CABLES1: variants seen among roughly 807,000 people sequenced by gnomAD.
The protein encoded by CABLES1 is Cdk5 and Abl enzyme substrate 1.
Under a neutral mutation model 57.8 loss-of-function variants are expected in CABLES1, and 36 were observed. That is an observed-to-expected ratio of 0.62 (90% CI 0.48 to 0.82). The LOEUF is 0.82. Among genes scored for constraint, CABLES1 ranks in the 40% least tolerant of loss-of-function variants. The pLI is 0.00. For missense variants in CABLES1, 767 were observed against 836.6 expected (o/e 0.92, Z 1.03); for synonymous variants, 374 against 363.0 (o/e 1.03, Z -0.35).
rs61158856 is a variant in CABLES1 at position 23,184,308 on chromosome 18, CGT to C, written c.846-4497_846-4496del. On this transcript the variant is annotated intron_variant, in intron 1 of 9. Transcript: ENST00000256925. ...TAATGTGTGCCCTTGCATACTGGCA[CGT>C]GTGTGTGTGTGTGTGTGTGTGTGTG... is the stretch of plus-strand genomic sequence containing the variant. Among the ~76,000 whole-genome samples the C allele has an allele frequency of 9.2e-3, 1,342 of 145,602 alleles. 9 individuals carry two copies. Among genetic ancestry groups the C allele is most frequent in the African/African-American group, 0.016 (631 of 39,800 alleles).
intron 7 of CABLES1, among the ~76,000 whole-genome samples, chr18:23,241,871 C>A (rs1268540443): frequency 2.0e-5 from 3 of 152,118 alleles, no homozygotes; most frequent in Non-Finnish European, 4.4e-5. Context: ...GCAAGTGGCA[C>A]CCTTTTCAAA....
intron 7 of CABLES1, among the ~76,000 whole-genome samples, chr18:23,251,204 G>C (rs2048028303): frequency 1.3e-5 from 2 of 152,216 alleles, no homozygotes; most frequent in Admixed American, 1.3e-4. Flanking sequence ...TGTAATGCCA[G>C]CACTTTGGGA....
intron 1 of CABLES1, among the ~76,000 whole-genome samples, chr18:23,147,150 T>C (rs1487766115): frequency 2.0e-5 from 3 of 152,198 alleles, no homozygotes; most frequent in Non-Finnish European, 4.4e-5. Context: ...ACAACAGCTC[T>C]CTCCAGATAA....
intron 4 of CABLES1, among the ~76,000 whole-genome samples, chr18:23,219,867 G>C (rs149509483): frequency 6.6e-6 from 1 of 152,266 alleles, no homozygotes; most frequent in East Asian, 1.9e-4. Context: ...GCAACTTCTC[G>C]AGCACCTACC....
In CABLES1 at chr18:23,201,755, A is replaced by C. The variant is rs560683833; in HGVS notation, c.1010+7215A>C. Among the ~76,000 whole-genome samples the C allele has an allele frequency of 2.6e-5, 4 of 152,340 alleles. No individual in the cohort carries two copies. In the South Asian group the frequency reaches 6.2e-4, roughly 24 times the overall value. On this transcript the variant is annotated intron_variant, in intron 3 of 9. Transcript: ENST00000256925. ...TGTATCCATGAATAAAACAGGTTACATCCCAATAGGGAGGGAAATGATACA... is the reference window on the plus strand; with the variant it reads ...TGTATCCATGAATAAAACAGGTTACCTCCCAATAGGGAGGGAAATGATACA...
At chr18:23,254,057 G>T (rs1172270370) in intron 9 of CABLES1, 121 bp downstream of exon 9, 1 of 784,270 alleles carries the variant, frequency 1.3e-6, no homozygotes, top group Admixed American at 2.2e-5. Context: ...AGCAATTGAG[G>T]TGAAGGCTAT....
At chr18:23,143,526 G>T (rs965997122) in intron 1 of CABLES1, among the ~76,000 whole-genome samples, 1 of 152,136 alleles carries the variant, frequency 6.6e-6, no homozygotes, top group Non-Finnish European at 1.5e-5. Context: ...TGCCCCTCTG[G>T]CTGTTTATAA....
chr18:23,253,719 C>G lies in CABLES1; in HGVS notation c.1554-10C>G. The G allele has an allele frequency of 6.2e-7, 1 of 1,613,002 alleles. No individual in the cohort carries two copies. The highest frequency in any genetic ancestry group is 8.5e-7 in the Non-Finnish European group (1 of 1,179,136). ...CACAAGACTGTTCCCTCTTGCCTGT[C>G]TTTCTCCAGTCTGAAACGAGAGATG... On this transcript the variant is annotated splice_polypyrimidine_tract_variant and intron_variant, in intron 8 of 9. Coordinates refer to ENST00000256925, the MANE Select transcript of CABLES1 (RefSeq NM_001100619.3).
intron 9 of CABLES1, 95 bp from the exon 10 acceptor site, chr18:23,257,132 C>G: frequency 7.2e-7 from 1 of 1,381,144 alleles, no homozygotes; most frequent in Non-Finnish European, 1.0e-6. Flanking sequence ...TTCTCCTGAG[C>G]ACTCACTGGC....
chr18:23,171,971 G>A (rs1598810467), intron 1 of CABLES1, among the ~76,000 whole-genome samples: 2 of 152,242 alleles, frequency 1.3e-5, no homozygotes, highest in East Asian at 3.9e-4. Flanking sequence ...CCCAGGCTGA[G>A]GTGTAATGGC....
chr18:23,185,100 C>G (rs1296449931), intron 1 of CABLES1, among the ~76,000 whole-genome samples: 1 of 152,186 alleles, frequency 6.6e-6, no homozygotes, highest in Non-Finnish European at 1.5e-5. Flanking sequence ...TAGAAAAACC[C>G]TTATAACTGT....
chr18:23,143,104 A>T (rs1270759599), intron 1 of CABLES1, among the ~76,000 whole-genome samples: 1 of 152,184 alleles, frequency 6.6e-6, no homozygotes, highest in Admixed American at 6.5e-5. Flanking sequence ...TGAACTGAGC[A>T]GAAGTTGACC....
At chr18:23,183,900 T>C (rs545107287) in intron 1 of CABLES1, among the ~76,000 whole-genome samples, 17 of 152,262 alleles carry the variant, frequency 1.1e-4, no homozygotes, top group African/African-American at 3.6e-4. Context: ...GCTTTTTGTT[T>C]ATTACAGGCT....
chr18:23,220,049 A>C (rs1242079364), intron 4 of CABLES1, among the ~76,000 whole-genome samples: 1 of 152,104 alleles, frequency 6.6e-6, no homozygotes, highest in Non-Finnish European at 1.5e-5. Flanking sequence ...GTCGTTTTGC[A>C]TGCCACCAGG....
chr18:23,157,389 T>A (rs111887648), intron 1 of CABLES1, among the ~76,000 whole-genome samples: 3 of 152,240 alleles, frequency 2.0e-5, no homozygotes, highest in African/African-American at 7.2e-5. Flanking sequence ...AGAATCTGCT[T>A]TCTCTTTTAC....
chr18:23,220,454 G>T (rs554370360), intron 4 of CABLES1, among the ~76,000 whole-genome samples: 10 of 152,272 alleles, frequency 6.6e-5, no homozygotes, highest in South Asian at 2.1e-4. Context: ...GGCAGTAGGT[G>T]GGGGTAGGTG....
chr18:23,246,273 AAAAAG>A (rs781033711), intron 7 of CABLES1, among the ~76,000 whole-genome samples: 2 of 152,012 alleles, frequency 1.3e-5, no homozygotes, highest in Non-Finnish European at 2.9e-5. Flanking sequence ...CTCAAAAAAA[AAAAAG>A]AAAACAGTGG....
At chr18:23,232,569 G>A (rs1229615570) in intron 4 of CABLES1, among the ~76,000 whole-genome samples, 1 of 152,196 alleles carries the variant, frequency 6.6e-6, no homozygotes, top group East Asian at 1.9e-4. Context: ...ATCGCCCTGG[G>A]GTGCCTGCAT....
At chr18:23,189,267 A>T (rs1598819584) in intron 2 of CABLES1, 1 of 192,266 alleles carries the variant, frequency 5.2e-6, no homozygotes, top group South Asian at 1.0e-4. Flanking sequence ...CTTCATTCTC[A>T]GCAGGAGGGG....
Sources: gnomAD v4.1 joint callset for allele counts (sites outside exome capture counted in the v4.1 genomes callset) on GRCh38, gnomAD v4.1.1 for gene constraint, MANE v1.5 for transcripts, NCBI Gene and HGNC (gene_info 2026-07-23, HGNC 2026-07-21) for gene names.